The following BNC2 variants were observed in gnomAD, a reference collection of about 807,000 sequenced individuals.
The protein encoded by BNC2 is basonuclin zinc finger protein 2.
A neutral mutation model predicts 76.3 loss-of-function variants in BNC2; 20 were observed. The observed-to-expected ratio is 0.26, with a 90% CI of 0.18 to 0.38. The LOEUF is 0.38. Ranked by LOEUF, BNC2 falls within the 10% of genes least tolerant of loss-of-function variation. The probability of loss-of-function intolerance (pLI) is 1.00; values close to 1 mark genes in which losing one functional copy is unlikely to be tolerated. For synonymous variants in BNC2, 582 were observed against 514.8 expected, an observed-to-expected ratio of 1.13 and a Z score of -1.77; for missense variants, 1,382 against 1,399.8, an observed-to-expected ratio of 0.99 and a Z score of 0.20.
At chr9:16,498,498 G>A (rs1822447511) in intron 5 of BNC2, among the ~76,000 whole-genome samples, 1 of 150,664 alleles carries the variant, frequency 6.6e-6, no homozygotes, top group South Asian at 2.1e-4. Context: ...TGATACAACG[G>A]ACTTTGGGGA....
chr9:16,490,340 T>C (rs10962449), intron 5 of BNC2, among the ~76,000 whole-genome samples: 4,601 of 152,064 alleles, frequency 0.03, 232 homozygotes, highest in African/African-American at 0.1. Context: ...GAGAGACTTA[T>C]TCACCATCAA....
chr9:16,638,515 A>G (rs1173534382), intron 3 of BNC2, among the ~76,000 whole-genome samples: 2 of 152,210 alleles, frequency 1.3e-5, no homozygotes, highest in African/African-American at 4.8e-5. Flanking sequence ...AAGTCTTAAG[A>G]TTACAAGGAT....
intron 3 of BNC2, among the ~76,000 whole-genome samples, chr9:16,698,820 T>C (rs1247540747): frequency 6.6e-6 from 1 of 152,228 alleles, no homozygotes; most frequent in African/African-American, 2.4e-5. Context: ...CACCTATTCA[T>C]ACATTGGTAG....
chr9:16,682,822 A>C (rs1410572749), intron 3 of BNC2, among the ~76,000 whole-genome samples: 1 of 152,234 alleles, frequency 6.6e-6, no homozygotes, highest in African/African-American at 2.4e-5. Flanking sequence ...TGCTGAGCTA[A>C]ATGTAACAAC....
chr9:16,697,278 A>T (rs1472841252), intron 3 of BNC2, among the ~76,000 whole-genome samples: 1 of 152,160 alleles, frequency 6.6e-6, no homozygotes, highest in Non-Finnish European at 1.5e-5. Flanking sequence ...GAATCGCTTG[A>T]ACCAGGTAGT....
At chr9:16,806,267 A>C (rs868139188) in intron 1 of BNC2, among the ~76,000 whole-genome samples, 1 of 152,160 alleles carries the variant, frequency 6.6e-6, no homozygotes, top group African/African-American at 2.4e-5. Context: ...CTTGAGCCCA[A>C]GGGTTCAAGA....
intron 6 of BNC2, chr9:16,429,580 G>C (rs1563778706): frequency 5.4e-6 from 1 of 183,866 alleles, no homozygotes; most frequent in Non-Finnish European, 1.2e-5. Context: ...ATTTTGGCCT[G>C]AATTTTCAAG....
At chr9:16,760,700 T>C (rs1262941590) in intron 1 of BNC2, among the ~76,000 whole-genome samples, 1 of 152,130 alleles carries the variant, frequency 6.6e-6, no homozygotes, top group East Asian at 1.9e-4. Context: ...AAAATCATCA[T>C]AGTCCAATGA....
intron 5 of BNC2, among the ~76,000 whole-genome samples, chr9:16,503,359 C>A (rs1822560821): frequency 6.6e-6 from 1 of 152,116 alleles, no homozygotes; most frequent in Admixed American, 6.6e-5. Flanking sequence ...CAGAAGGAGA[C>A]AAATTAACAA....
At chr9:16,776,207 TC>T (rs1461819985) in intron 1 of BNC2, among the ~76,000 whole-genome samples, 1 of 131,972 alleles carries the variant, frequency 7.6e-6, no homozygotes, top group African/African-American at 3.5e-5. Context: ...TGGAACCATC[TC>T]GGGCTCACTG....
intron 6 of BNC2, among the ~76,000 whole-genome samples, chr9:16,430,703 C>T (rs147589578): frequency 6.6e-6 from 1 of 152,300 alleles, no homozygotes; most frequent in African/African-American, 2.4e-5. Flanking sequence ...TAATACTATA[C>T]ATTTCTGCTT....
chr9:16,739,721 A>G (rs574696566), intron 1 of BNC2, among the ~76,000 whole-genome samples: 1 of 149,860 alleles, frequency 6.7e-6, no homozygotes, highest in Admixed American at 6.7e-5. Flanking sequence ...ACGGCTGGAG[A>G]AAAAAAAAAG....
intron 3 of BNC2, among the ~76,000 whole-genome samples, chr9:16,665,723 C>T (rs933780423): frequency 6.6e-6 from 1 of 152,146 alleles, no homozygotes; most frequent in Non-Finnish European, 1.5e-5. Flanking sequence ...TCCTCTGAAA[C>T]CAAGCCCTGG....
intron 1 of BNC2, among the ~76,000 whole-genome samples, chr9:16,834,156 G>C (rs1818647012): frequency 6.6e-6 from 1 of 150,742 alleles, no homozygotes; most frequent in African/African-American, 2.4e-5. Flanking sequence ...ATGAAGAGTG[G>C]TCTCAAAGCT....
intron 5 of BNC2, among the ~76,000 whole-genome samples, chr9:16,461,056 T>C (rs1422965884): frequency 6.6e-6 from 1 of 152,094 alleles, no homozygotes; most frequent in African/African-American, 2.4e-5. Context: ...ATTACATCAA[T>C]ATTCATTTTT....
rs188745900 is a variant in BNC2, at chr9:16,744,708, G to T, written c.4-6223C>A. On this transcript the variant is annotated intron_variant, in intron 1 of 6. Transcript: ENST00000380672. ...ACTTTTGCCCTTGGACACAGACAACGTTGGCCCCAAAGCTCAGGATGTCTA... is the reference window on the plus strand; with the variant it reads ...ACTTTTGCCCTTGGACACAGACAACTTTGGCCCCAAAGCTCAGGATGTCTA... Among the ~76,000 whole-genome samples, 168 of 152,220 alleles carry T rather than the reference G, an allele frequency of 1.1e-3. 1 individual carries two copies. The highest frequency in any genetic ancestry group is 3.9e-3 in the African/African-American group (160 of 41,548).
intron 1 of BNC2, among the ~76,000 whole-genome samples, chr9:16,852,134 T>C (rs1207754538): frequency 6.6e-6 from 1 of 152,180 alleles, no homozygotes; most frequent in East Asian, 1.9e-4. Flanking sequence ...CATTTTGCTT[T>C]AAACAAAGTT....
chr9:16,746,593 G>A (rs1169784545), intron 1 of BNC2, among the ~76,000 whole-genome samples: 1 of 151,368 alleles, frequency 6.6e-6, no homozygotes, highest in African/African-American at 2.4e-5. Context: ...TCGAACTCTT[G>A]GCCTCAAATG....
chr9:16,678,803 C>G (rs565861371), intron 3 of BNC2, among the ~76,000 whole-genome samples: 3 of 152,226 alleles, frequency 2.0e-5, no homozygotes, highest in African/African-American at 7.2e-5. Context: ...TCAGAGTTGT[C>G]CTGACATTCC....
Sources: gnomAD v4.1 joint callset for allele counts (sites outside exome capture counted in the v4.1 genomes callset) on GRCh38, gnomAD v4.1.1 for gene constraint, MANE v1.5 for transcripts, NCBI Gene and HGNC (gene_info 2026-07-23, HGNC 2026-07-21) for gene names.